Variants in SPAG17 observed in about 807,000 individuals in gnomAD.
The protein encoded by SPAG17 is sperm-associated antigen 17.
Under a neutral mutation model 273.6 loss-of-function variants are expected in SPAG17, and 169 were observed. The ratio of observed to expected loss-of-function variants is 0.62; its 90% CI spans 0.55 to 0.70. SPAG17 has a LOEUF of 0.70. SPAG17 is among the 30% of genes least tolerant of loss of function. SPAG17 has a pLI of 0.00. For missense variants in SPAG17, 2,557 were observed against 2,627.8 expected (o/e 0.97, Z 0.59); for synonymous variants, 825 against 873.2 (o/e 0.94, Z 0.97).
At chr1:117,958,853 G>C (rs968486000) in intron 48 of SPAG17, 2 of 1,300,924 alleles carry the variant, frequency 1.5e-6, no homozygotes, top group Non-Finnish European at 2.2e-6. Context: ...GTTTCTAGAA[G>C]GGTTAAGTAG....
At chr1:118,179,272 T>C (rs368523507) in intron 1 of SPAG17, among the ~76,000 whole-genome samples, 2 of 152,012 alleles carry the variant, frequency 1.3e-5, no homozygotes, top group African/African-American at 4.8e-5. Context: ...CACTCAGATA[T>C]AAATACACGA....
At chr1:118,021,528 T>C (rs1660497465) in intron 28 of SPAG17, among the ~76,000 whole-genome samples, 1 of 152,180 alleles carries the variant, frequency 6.6e-6, no homozygotes, top group African/African-American at 2.4e-5. Context: ...GAGTGAACCC[T>C]AATGTAAACT....
chr1:118,039,357 T>C lies in SPAG17; in HGVS notation c.3254A>G (p.Glu1085Gly). 6.2e-6 allele frequency: 10 copies of C among 1,613,610 alleles called. No homozygotes were observed. Among genetic ancestry groups the C allele is most frequent in the Non-Finnish European group, 7.6e-6 (9 of 1,179,672 alleles). ...TTCTAAATAATAATCCCCTTTCTCTTCCTTTTTCACAATTTCCTTAGGGTC... is the reference window on the plus strand; with the variant it reads ...TTCTAAATAATAATCCCCTTTCTCTCCCTTTTTCACAATTTCCTTAGGGTC... Reference protein sequence around the residue: ...LNDPKEIVKKEEKGDYYLEEE... With the variant: ...LNDPKEIVKKGEKGDYYLEEE... Residue 1085 changes from glutamate to glycine, a missense_variant, in exon 23 of 49, where the codon GAA (glutamate) becomes GGA (glycine). Transcript: ENST00000336338.
intron 48 of SPAG17, 38 bp downstream of exon 48, chr1:117,963,761 T>A (rs1653432863): frequency 3.8e-6 from 6 of 1,579,566 alleles, no homozygotes; most frequent in Admixed American, 1.8e-5. Context: ...CAAATTTGAA[T>A]GCTTGACAAT....
chr1:117,990,954 CT>C (rs1159315814), intron 37 of SPAG17, 48 bp from the exon 38 acceptor site: 2 of 1,133,718 alleles, frequency 1.8e-6, no homozygotes, highest in Non-Finnish European at 2.5e-6. Context: ...ACTTACAAGA[CT>C]TACTTTGTTT....
chr1:117,981,919 G>T (rs1417087174), intron 42 of SPAG17, among the ~76,000 whole-genome samples: 3 of 152,220 alleles, frequency 2.0e-5, no homozygotes, highest in Non-Finnish European at 2.9e-5. Context: ...GTTTGTGTGT[G>T]TGCCAACCCT....
chr1:118,087,228 T>C, intron 10 of SPAG17: 1 of 370,394 alleles, frequency 2.7e-6, no homozygotes. Flanking sequence ...TTAATATTTC[T>C]ATTAAAATAG....
intron 8 of SPAG17, among the ~76,000 whole-genome samples, chr1:118,092,504 T>C (rs1287694824): frequency 6.6e-6 from 1 of 152,202 alleles, no homozygotes; most frequent in Non-Finnish European, 1.5e-5. Context: ...GCTTGTGCCA[T>C]AATACTGCTT....
intron 38 of SPAG17, among the ~76,000 whole-genome samples, chr1:117,990,347 G>A (rs1007621022): frequency 4.6e-5 from 7 of 152,186 alleles, no homozygotes; most frequent in African/African-American, 1.7e-4. Flanking sequence ...CCTACTGCTT[G>A]TTTGCTGTGA....
intron 45 of SPAG17, among the ~76,000 whole-genome samples, chr1:117,970,986 T>C (rs1202040712): frequency 6.6e-6 from 1 of 152,106 alleles, no homozygotes; most frequent in Non-Finnish European, 1.5e-5. Context: ...TTCCTGAAGC[T>C]GGGGATTTGC....
chr1:117,972,818 T>C (rs1654718386), intron 44 of SPAG17, among the ~76,000 whole-genome samples: 1 of 151,986 alleles, frequency 6.6e-6, no homozygotes, highest in Admixed American at 6.6e-5. Flanking sequence ...CTCCAGAAGG[T>C]TTCCCAACAG....
At position 117,973,492 on chromosome 1, in the gene SPAG17, CTTG is replaced by C; in HGVS notation, c.6071_6073del (p.Thr2024del). ...ATGAGGCAACTTCACTTTTTCTTTT[CTTG>C]TTTGTCCCGCAACATCCTGCAGCAA... On this transcript the variant is annotated inframe_deletion, in exon 44 of 49. Coordinates refer to ENST00000336338, the MANE Select transcript of SPAG17 (RefSeq NM_206996.4). The C allele has an allele frequency of 1.2e-6, 2 of 1,613,986 alleles. No homozygotes were observed. Among genetic ancestry groups the C allele is most frequent in the South Asian group, 2.2e-5 (2 of 91,066 alleles).
chr1:118,008,780 C>T (rs527720556), intron 30 of SPAG17, among the ~76,000 whole-genome samples: 8 of 152,180 alleles, frequency 5.3e-5, no homozygotes, highest in Admixed American at 3.9e-4. Flanking sequence ...TTCAAGACCT[C>T]GAACCATCTT....
At chr1:117,956,041 G>C (rs1184460425) in intron 48 of SPAG17, among the ~76,000 whole-genome samples, 2 of 152,266 alleles carry the variant, frequency 1.3e-5, no homozygotes, top group Middle Eastern at 6.8e-3. Flanking sequence ...CAGTGTGTGA[G>C]CCAAAAGGTA....
intron 3 of SPAG17, among the ~76,000 whole-genome samples, chr1:118,120,139 A>G (rs1657338540): frequency 6.6e-6 from 1 of 152,160 alleles, no homozygotes; most frequent in Admixed American, 6.5e-5. Flanking sequence ...CATATAAACA[A>G]TGAGTATTCT....
chr1:118,176,057 A>T (rs1227323459), intron 1 of SPAG17, among the ~76,000 whole-genome samples: 1 of 152,194 alleles, frequency 6.6e-6, no homozygotes, highest in East Asian at 1.9e-4. Context: ...TCTCTTTAAA[A>T]TAATTTGTAA....
chr1:117,955,335 GA>G, intron 48 of SPAG17: 3 of 1,612,306 alleles, frequency 1.9e-6, no homozygotes, highest in Non-Finnish European at 2.5e-6. Flanking sequence ...ATGTATTAGA[GA>G]TTTTTAAAGG....
chr1:117,955,356 G>A (rs145648133), intron 48 of SPAG17: 403 of 1,611,970 alleles, frequency 2.5e-4, no homozygotes, highest in Non-Finnish European at 3.3e-4. Flanking sequence ...GGATCAAGTC[G>A]AGGTGAGTGA....
At chr1:118,177,509 C>T (rs1660748438) in intron 1 of SPAG17, among the ~76,000 whole-genome samples, 1 of 151,948 alleles carries the variant, frequency 6.6e-6, no homozygotes, top group Admixed American at 6.6e-5. Context: ...ATCAGTCATG[C>T]ATCTCAAAGA....
Sources: gnomAD v4.1 joint callset for allele counts (sites outside exome capture counted in the v4.1 genomes callset) on GRCh38, gnomAD v4.1.1 for gene constraint, MANE v1.5 for transcripts, NCBI Gene and HGNC (gene_info 2026-07-23, HGNC 2026-07-21) for gene names.